B3GNT3: variants seen among roughly 807,000 people sequenced by gnomAD.
B3GNT3 encodes UDP-GlcNAc:betaGal beta-1,3-N-acetylglucosaminyltransferase 3.
A neutral mutation model predicts 11.6 loss-of-function variants in B3GNT3; 7 were observed. The observed-to-expected ratio is 0.60, with a 90% CI of 0.34 to 1.13. B3GNT3 has a LOEUF of 1.13. Ranked by LOEUF, B3GNT3 falls within the 50% of genes most tolerant of loss-of-function variation. The pLI is 0.03. For synonymous variants in B3GNT3, 201 were observed against 222.1 expected, an observed-to-expected ratio of 0.90 and a Z score of 0.85; for missense variants, 400 against 507.4, an observed-to-expected ratio of 0.79 and a Z score of 2.03.
intron 1 of B3GNT3, among the ~76,000 whole-genome samples, chr19:17,804,847 G>A (rs2147650166): frequency 6.6e-6 from 1 of 151,848 alleles, no homozygotes; most frequent in South Asian, 2.1e-4. Context: ...GTGAGCCACT[G>A]CACCCAGCCC....
At chr19:17,810,307 G>A (rs11883306) in intron 2 of B3GNT3, among the ~76,000 whole-genome samples, 3 of 151,776 alleles carry the variant, frequency 2.0e-5, no homozygotes, top group African/African-American at 7.3e-5. Flanking sequence ...CTTCTTGGGA[G>A]GCTAAGGCAG....
intron 1 of B3GNT3, among the ~76,000 whole-genome samples, chr19:17,797,191 G>A (rs573329979): frequency 1.3e-5 from 2 of 152,284 alleles, no homozygotes; most frequent in South Asian, 4.1e-4. Flanking sequence ...TGGCCAGGCT[G>A]CACACAGGAC....
chr19:17,801,184 T>G (rs148687008), intron 1 of B3GNT3, among the ~76,000 whole-genome samples: 99 of 152,174 alleles, frequency 6.5e-4, no homozygotes, highest in African/African-American at 2.1e-3. Context: ...GCAGCACTTT[T>G]TTTGTTTGTT....
At chr19:17,810,337 G>C (rs2094179034) in intron 2 of B3GNT3, among the ~76,000 whole-genome samples, 1 of 151,982 alleles carries the variant, frequency 6.6e-6, no homozygotes, top group African/African-American at 2.4e-5. Flanking sequence ...TTGAACCCTG[G>C]AGGCGGAGGT....
chr19:17,800,204 G>A (rs1159715818), intron 1 of B3GNT3, among the ~76,000 whole-genome samples: 5 of 152,058 alleles, frequency 3.3e-5, no homozygotes, highest in Admixed American at 6.6e-5. Context: ...CTGAAACCCC[G>A]TCTTTACTAA....
At chr19:17,807,111 A>AGTGTGGGTGTGTGTGTGT (rs375965884) in intron 1 of B3GNT3, among the ~76,000 whole-genome samples, 1 of 116,242 alleles carries the variant, frequency 8.6e-6, no homozygotes, top group African/African-American at 3.3e-5. Flanking sequence ...CAGTGGCCCC[A>AGTGTGGGTGTGTGTGTGT]GTGTGTGTGT....
At chr19:17,797,680 C>T (rs745987557) in intron 1 of B3GNT3, among the ~76,000 whole-genome samples, 12 of 152,202 alleles carry the variant, frequency 7.9e-5, no homozygotes, top group African/African-American at 1.9e-4. Flanking sequence ...CATGTGTCAC[C>T]GTGCCCAACC....
chr19:17,808,036 C>T lies in B3GNT3; in HGVS notation c.229C>T (p.Pro77Ser). The change falls in exon 2 of 3, where the codon CCG (proline) becomes TCG (serine). Residue 77 changes from proline (P) to serine (S), a missense_variant. Transcript: ENST00000318683. ...MVTHPDFATQ[P>S]QHVQNFLLYR... ...CACCCACCCGGACTTCGCCACGCAG[C>T]CGCAGCACGTTCAGAACTTCCTCCT... 1 of 1,613,204 alleles carries T rather than the reference C, an allele frequency of 6.2e-7. No homozygotes were observed. The highest frequency in any genetic ancestry group is 8.5e-7 in the Non-Finnish European group (1 of 1,179,798).
At chr19:17,801,057 T>C (rs62123690) in intron 1 of B3GNT3, among the ~76,000 whole-genome samples, 6,055 of 152,166 alleles carry the variant, frequency 0.04, 152 homozygotes, top group Non-Finnish European at 0.061. Flanking sequence ...AAATTCAGTA[T>C]ATTTGGGCAC....
At chr19:17,805,934 A>G (rs527714887) in intron 1 of B3GNT3, among the ~76,000 whole-genome samples, 1 of 151,796 alleles carries the variant, frequency 6.6e-6, no homozygotes. Context: ...AGTAACTGAG[A>G]CCTCAAGCAC....
rs114575285 is a variant in B3GNT3 at position 17,796,680 on chromosome 19, C to A, written c.-51+1474C>A. Among the ~76,000 whole-genome samples the A allele has an allele frequency of 4.8e-3, 731 of 152,306 alleles. 7 individuals are homozygous for A. The highest frequency in any genetic ancestry group is 0.016 in the African/African-American group (679 of 41,546). ...GGGTGTTTGCTCAGTCCAGCCTGGACACCCTCCCTCACTCTCACCCCTAGG... is the reference window on the plus strand; with the variant it reads ...GGGTGTTTGCTCAGTCCAGCCTGGAAACCCTCCCTCACTCTCACCCCTAGG... On this transcript the variant is annotated intron_variant, in intron 1 of 2. Coordinates refer to ENST00000318683, the MANE Select transcript of B3GNT3 (RefSeq NM_014256.4).
intron 1 of B3GNT3, among the ~76,000 whole-genome samples, chr19:17,800,716 C>G (rs2094165095): frequency 6.6e-6 from 1 of 152,030 alleles, no homozygotes; most frequent in Admixed American, 6.6e-5. Flanking sequence ...CCTGTAATCC[C>G]AGCACTTTGG....
intron 1 of B3GNT3, among the ~76,000 whole-genome samples, chr19:17,797,975 A>C (rs2147644676): frequency 6.6e-6 from 1 of 152,112 alleles, no homozygotes; most frequent in South Asian, 2.1e-4. Context: ...AATCCCACCA[A>C]CCCGCCCTGG....
chr19:17,810,881 TC>T (rs1056269165), intron 2 of B3GNT3, among the ~76,000 whole-genome samples: 33 of 147,304 alleles, frequency 2.2e-4, no homozygotes, highest in African/African-American at 8.3e-4. Flanking sequence ...AAACTCCATC[TC>T]CAAAAAAATA....
intron 1 of B3GNT3, among the ~76,000 whole-genome samples, chr19:17,806,697 T>C (rs2094173388): frequency 6.6e-6 from 1 of 152,124 alleles, no homozygotes; most frequent in Admixed American, 6.6e-5. Context: ...CTCATGCCTG[T>C]AATCCCAGCA....
intron 1 of B3GNT3, among the ~76,000 whole-genome samples, chr19:17,800,692 C>G (rs1193301344): frequency 2.6e-5 from 4 of 151,868 alleles, no homozygotes; most frequent in African/African-American, 7.3e-5. Context: ...TTAGGCCGGG[C>G]GAGGTGGCTC....
chr19:17,799,766 ACCAGG>A (rs1250950513), intron 1 of B3GNT3, among the ~76,000 whole-genome samples: 6 of 27,430 alleles, frequency 2.2e-4, no homozygotes, highest in African/African-American at 8.7e-4. Context: ...AGAGCCAGCG[ACCAGG>A]CTGGTTAGGG....
In B3GNT3 at chr19:17,811,563, G is replaced by T. The variant is rs1466858572; in HGVS notation, c.568-8G>T. The T allele has an allele frequency of 6.2e-7, 1 of 1,603,778 alleles. No individual in the cohort carries two copies. Among genetic ancestry groups the T allele is most frequent in the East Asian group, 2.2e-5 (1 of 44,780 alleles). ...CAAGCAAGCATGCCCTGTCCACCCT[G>T]CCTGCAGGTCCTGTTCTTACAGTGG... On this transcript the variant is annotated splice_polypyrimidine_tract_variant and splice_region_variant and intron_variant, in intron 2 of 2. Transcript: ENST00000318683. This position sits in a 1 kb window ranked among gnomAD's most constrained non-coding sequence, Gnocchi z 4.1.
rs1331933525 is a variant in B3GNT3, at chr19:17,811,045, A to C, written c.568-526A>C. Among the ~76,000 whole-genome samples, 1 of 143,960 alleles carries C rather than the reference A, an allele frequency of 6.9e-6. No individual in the cohort carries two copies. The highest frequency in any genetic ancestry group is 1.5e-5 in the Non-Finnish European group (1 of 65,340). The allele number at this position is 143,960 out of a possible 152,430, so 94.4% of individuals were successfully genotyped here. On this transcript the variant is annotated intron_variant, in intron 2 of 2. Coordinates refer to ENST00000318683, the MANE Select transcript of B3GNT3 (RefSeq NM_014256.4). This position sits in a 1 kb window ranked among gnomAD's most constrained non-coding sequence, Gnocchi z 4.1. ...GTAGCATAGCAAGATCCCATCTCTT[A>C]AAAAAAAAAAAATTATTAGCCAGGA...
Sources: allele counts gnomAD v4.1 joint callset (sites outside exome capture counted in the v4.1 genomes callset), GRCh38; gene constraint gnomAD v4.1.1; non-coding constraint Gnocchi (gnomAD v3.1); transcripts MANE v1.5; gene names NCBI Gene and HGNC (gene_info 2026-07-23, HGNC 2026-07-21).